Variants in USH2A observed in about 807,000 individuals in gnomAD.
USH2A encodes usherin, also known as Usher syndrome 2A (autosomal recessive, mild).
In USH2A, 443 loss-of-function variants were observed where a neutral mutation model predicts 538.9. The ratio of observed to expected loss-of-function variants is 0.82; its 90% CI spans 0.76 to 0.89. USH2A has a LOEUF of 0.89. Among genes scored for constraint, USH2A ranks in the 40% least tolerant of loss-of-function variants. The pLI is 0.00. For missense variants in USH2A, 6,633 were observed against 6,324.8 expected, an observed-to-expected ratio of 1.05 and a Z score of -1.65; for synonymous variants, 2,413 against 2,273.5, an observed-to-expected ratio of 1.06 and a Z score of -1.75.
chr1:215,680,031 A>G lies in USH2A; in HGVS notation c.12294+118T>C, dbSNP rs554002583. On this transcript the variant is annotated intron_variant, in intron 62 of 71. Transcript: ENST00000307340. Reference sequence around the variant, plus strand: ...TGATTAAGTGCCTGGAGGAGCTATCAAGGAGAATTAAACAGGCTGTGAAGG... The same window carrying G: ...TGATTAAGTGCCTGGAGGAGCTATCGAGGAGAATTAAACAGGCTGTGAAGG... 1.0e-5 allele frequency: 10 copies of G among 996,458 alleles called. No homozygotes were observed. In the African/African-American group the frequency reaches 1.4e-4, roughly 14 times the overall value. 61.7% of individuals were successfully genotyped at this position (996,458 alleles called of 1,614,324 possible). A position where few individuals can be genotyped will look rare whatever the true frequency, so the allele number is the denominator to read the frequency against.
intron 11 of USH2A, among the ~76,000 whole-genome samples, chr1:216,283,127 C>A (rs773807899): frequency 3.9e-5 from 6 of 152,046 alleles, no homozygotes; most frequent in African/African-American, 1.4e-4. Context: ...CGTTCTGTCG[C>A]CCAGGCTGGA....
At chr1:215,916,652 A>T (rs953019923) in intron 38 of USH2A, among the ~76,000 whole-genome samples, 2 of 152,160 alleles carry the variant, frequency 1.3e-5, no homozygotes, top group African/African-American at 4.8e-5. Flanking sequence ...ATGTTCACTA[A>T]GAATGCTTTA....
intron 47 of USH2A, among the ~76,000 whole-genome samples, chr1:215,828,709 A>G (rs1663227591): frequency 6.6e-6 from 1 of 152,190 alleles, no homozygotes; most frequent in Non-Finnish European, 1.5e-5. Context: ...CATGGTTCCA[A>G]TTAAAGACAT....
chr1:216,248,654 A>G (rs1266800704), intron 12 of USH2A, among the ~76,000 whole-genome samples: 1 of 152,148 alleles, frequency 6.6e-6, no homozygotes, highest in East Asian at 1.9e-4. Flanking sequence ...AAAATAAAAA[A>G]GGACCACTAT....
intron 38 of USH2A, among the ~76,000 whole-genome samples, chr1:215,916,215 A>T (rs1006106840): frequency 1.3e-5 from 2 of 152,028 alleles, no homozygotes; most frequent in Non-Finnish European, 2.9e-5. Flanking sequence ...AAGAAACAAG[A>T]TGTATAACAA....
At chr1:216,289,497 G>A (rs1002853157) in intron 10 of USH2A, 87 bp from the exon 11 acceptor site, 4 of 1,584,626 alleles carry the variant, frequency 2.5e-6, no homozygotes, top group African/African-American at 2.7e-5. Context: ...ATTCCTTTGA[G>A]GGAATTCTAT....
At chr1:215,870,356 G>A (rs1396349417) in intron 43 of USH2A, among the ~76,000 whole-genome samples, 3 of 150,644 alleles carry the variant, frequency 2.0e-5, no homozygotes, top group East Asian at 1.9e-4. Context: ...GTGCAGTGGC[G>A]CGATCTCAGC....
At chr1:216,367,479 T>G (rs944061007) in intron 3 of USH2A, among the ~76,000 whole-genome samples, 2 of 152,154 alleles carry the variant, frequency 1.3e-5, no homozygotes, top group African/African-American at 4.8e-5. Flanking sequence ...AGAAAGCATG[T>G]TTTTGATTTT....
chr1:216,355,499 T>A (rs79727727), intron 4 of USH2A, among the ~76,000 whole-genome samples: 1,635 of 152,126 alleles, frequency 0.011, 19 homozygotes, highest in East Asian at 0.036. Flanking sequence ...GAAGTAACAG[T>A]AATCAATGTA....
intron 9 of USH2A, among the ~76,000 whole-genome samples, chr1:216,293,151 A>G (rs2037037593): frequency 6.6e-6 from 1 of 151,730 alleles, no homozygotes; most frequent in Admixed American, 6.6e-5. Context: ...CAGCCTCCCA[A>G]GTAGCTGAGA....
intron 41 of USH2A, among the ~76,000 whole-genome samples, chr1:215,886,304 G>T (rs1456001423): frequency 6.6e-6 from 1 of 152,100 alleles, no homozygotes. Flanking sequence ...AGAAGTCGTT[G>T]TTTAGCTGTC....
chr1:215,778,598 T>C (rs1327080159), intron 55 of USH2A, among the ~76,000 whole-genome samples: 5 of 152,166 alleles, frequency 3.3e-5, no homozygotes. Flanking sequence ...TCAGTCACAT[T>C]TTTCCAAGGC....
Position 216,117,374 on chromosome 1 carries a change from A to T in USH2A, c.4628-20161T>A, listed in dbSNP as rs951716377. 4.5e-4 allele frequency among the ~76,000 whole-genome samples: 68 copies of T among 152,226 alleles called. 3 individuals carry two copies. The highest frequency in any genetic ancestry group is 4.4e-5 in the Non-Finnish European group (3 of 68,022). On this transcript the variant is annotated intron_variant, in intron 21 of 71. Transcript: ENST00000307340. ...CTATTTTAGTAAACCATATAATTAT[A>T]TAATCACTCTTACAGGAAGTAAATC...
rs1396678302 is a variant in USH2A, at chr1:215,759,912, TC to T, written c.11048-70del. The T allele has an allele frequency of 1.1e-5, 18 of 1,573,610 alleles. 1 individual carries two copies. The highest frequency in any genetic ancestry group is 8.1e-5 in the African/African-American group (6 of 73,932). Reference sequence around the variant, plus strand: ...AAACAGTGTATCAAAAGTCACACCATCCCCCCCATGAACTGTGATATTTTTT... The same window carrying T: ...AAACAGTGTATCAAAAGTCACACCATCCCCCCATGAACTGTGATATTTTTT... On this transcript the variant is annotated intron_variant, in intron 56 of 71. Transcript: ENST00000307340.
chr1:216,071,609 A>T (rs2031559853), intron 29 of USH2A, among the ~76,000 whole-genome samples: 1 of 152,212 alleles, frequency 6.6e-6, no homozygotes, highest in East Asian at 1.9e-4. Context: ...TGGTCAGATC[A>T]TTGCTATAAA....
chr1:216,112,207 C>A lies in USH2A; in HGVS notation c.4628-14994G>T, dbSNP rs185441434. On this transcript the variant is annotated intron_variant, in intron 21 of 71. Coordinates refer to ENST00000307340, the MANE Select transcript of USH2A (RefSeq NM_206933.4). The stretch of plus-strand genomic sequence containing the variant: ...AATCCCCAAACATTCCTTAGAATAC[C>A]AAAGTTGTGTTATCTTATTATTTAA... Among the ~76,000 whole-genome samples, 1,020 of 152,062 alleles carry A rather than the reference C, an allele frequency of 6.7e-3. 6 individuals are homozygous for A. The highest frequency in any genetic ancestry group is 0.025 in the South Asian group (123 of 4,824).
Position 216,347,321 on chromosome 1 carries a change from A to T in USH2A, c.784+17632T>A, listed in dbSNP as rs138779287. On this transcript the variant is annotated intron_variant, in intron 4 of 71. Transcript: ENST00000307340. ...ATGAGTAAAGGTTTTTCCCCTTTAAATATTTTTGAGTTATTATTTTGGCCT... is the reference window on the plus strand; with the variant it reads ...ATGAGTAAAGGTTTTTCCCCTTTAATTATTTTTGAGTTATTATTTTGGCCT... Among the ~76,000 whole-genome samples, 207 of 152,206 alleles carry T rather than the reference A, an allele frequency of 1.4e-3. 1 individual carries two copies. The highest frequency in any genetic ancestry group is 4.7e-3 in the African/African-American group (194 of 41,576).
intron 20 of USH2A, among the ~76,000 whole-genome samples, chr1:216,178,310 A>AT (rs1034120025): frequency 2.0e-5 from 3 of 152,062 alleles, no homozygotes; most frequent in South Asian, 2.1e-4. Context: ...TTCTCTTAGC[A>AT]TTTTTTTCTG....
intron 61 of USH2A, among the ~76,000 whole-genome samples, chr1:215,721,854 G>A (rs575344509): frequency 1.3e-4 from 20 of 152,116 alleles, no homozygotes; most frequent in Admixed American, 9.2e-4. Flanking sequence ...TCTTGAGGCC[G>A]GGAATTTGAG....
Sources: allele counts gnomAD v4.1 joint callset (sites outside exome capture counted in the v4.1 genomes callset), GRCh38; gene constraint gnomAD v4.1.1; transcripts MANE v1.5; gene names NCBI Gene and HGNC (gene_info 2026-07-23, HGNC 2026-07-21).